CC2D2A: variants seen among roughly 807,000 people sequenced by gnomAD.
The protein encoded by CC2D2A is coiled-coil and C2 domain containing 2A, also known as coiled-coil and C2 domain-containing protein 2A.
Under a neutral mutation model 212.9 loss-of-function variants are expected in CC2D2A, and 155 were observed. That is an observed-to-expected ratio of 0.73 (90% CI 0.64 to 0.83). The LOEUF (loss-of-function observed/expected upper bound fraction) is 0.83, where lower values mean the gene tolerates loss of function less well. Among genes scored for constraint, CC2D2A ranks in the 40% least tolerant of loss-of-function variants. The probability of loss-of-function intolerance (pLI) is 0.00; values close to 1 mark genes in which losing one functional copy is unlikely to be tolerated. For missense variants in CC2D2A, 1,856 were observed against 1,956.2 expected, an observed-to-expected ratio of 0.95 and a Z score of 0.97; for synonymous variants, 667 against 686.5, an observed-to-expected ratio of 0.97 and a Z score of 0.44.
At chr4:15,577,244 C>T (rs1194855212) in intron 29 of CC2D2A, among the ~76,000 whole-genome samples, 3 of 152,156 alleles carry the variant, frequency 2.0e-5, no homozygotes, top group Non-Finnish European at 2.9e-5. Flanking sequence ...GATCCTCCGG[C>T]GTCAGCCTCC....
intron 35 of CC2D2A, among the ~76,000 whole-genome samples, chr4:15,597,716 ATT>A (rs1305596290): frequency 2.0e-5 from 3 of 152,206 alleles, no homozygotes; most frequent in Non-Finnish European, 4.4e-5. Context: ...TTCACCTTGG[ATT>A]GGAGTTTAAC....
intron 34 of CC2D2A, among the ~76,000 whole-genome samples, chr4:15,596,446 A>G (rs1369879333): frequency 6.6e-6 from 1 of 152,186 alleles, no homozygotes; most frequent in African/African-American, 2.4e-5. Flanking sequence ...CATGACATAA[A>G]AAGTACCACA....
chr4:15,479,474 G>C, intron 3 of CC2D2A: 1 of 699,444 alleles, frequency 1.4e-6, no homozygotes, highest in Non-Finnish European at 2.5e-6. Flanking sequence ...CACGTGAAGG[G>C]GCTGCAGAGA....
intron 30 of CC2D2A, among the ~76,000 whole-genome samples, chr4:15,585,594 A>G (rs1371202544): frequency 6.6e-6 from 1 of 152,238 alleles, no homozygotes; most frequent in Non-Finnish European, 1.5e-5. Flanking sequence ...ACAGTTAATA[A>G]TAATGTATAG....
intron 17 of CC2D2A, among the ~76,000 whole-genome samples, chr4:15,542,123 A>G (rs969650660): frequency 2.6e-5 from 4 of 151,794 alleles, no homozygotes; most frequent in African/African-American, 9.7e-5. Flanking sequence ...TTTAGGGCCC[A>G]CCCTAATCTA....
At chr4:15,502,245 G>T (rs1715994577) in intron 4 of CC2D2A, among the ~76,000 whole-genome samples, 184 bp from the exon 5 acceptor site, 2 of 152,220 alleles carry the variant, frequency 1.3e-5, no homozygotes, top group Non-Finnish European at 2.9e-5. Context: ...AAGGATGGTT[G>T]TTAGCATGAT....
At chr4:15,502,398 A>C (rs764154109) in intron 4 of CC2D2A, 31 bp from the exon 5 acceptor site, 6 of 1,418,292 alleles carry the variant, frequency 4.2e-6, no homozygotes, top group East Asian at 5.1e-5. Context: ...TTTTTTTTTT[A>C]TTTTGTTTTG....
chr4:15,569,581 A>G (rs1021590566), intron 27 of CC2D2A, among the ~76,000 whole-genome samples, 192 bp downstream of exon 27: 1 of 152,214 alleles, frequency 6.6e-6, no homozygotes, highest in Non-Finnish European at 1.5e-5. Context: ...TAAAGTGGTG[A>G]AAGAATAGCT....
chr4:15,535,956 G>C (rs1718108619), intron 14 of CC2D2A, among the ~76,000 whole-genome samples: 1 of 152,110 alleles, frequency 6.6e-6, no homozygotes, highest in Admixed American at 6.5e-5. Flanking sequence ...AACATGTTAA[G>C]GGCTCTGAAA....
intron 3 of CC2D2A, chr4:15,479,299 AGCATCCCGT>A (rs1714463509): frequency 6.5e-7 from 1 of 1,536,986 alleles, no homozygotes; most frequent in African/African-American, 1.4e-5. Flanking sequence ...CTAGGCTGGG[AGCATCCCGT>A]GCAGGGTAAA....
intron 24 of CC2D2A, among the ~76,000 whole-genome samples, chr4:15,565,030 C>G (rs1199126514): frequency 1.3e-5 from 2 of 152,134 alleles, no homozygotes; most frequent in Non-Finnish European, 2.9e-5. Flanking sequence ...ATTCGTTAAC[C>G]TATTAGAGAG....
intron 24 of CC2D2A, among the ~76,000 whole-genome samples, 161 bp from the exon 25 acceptor site, chr4:15,567,216 G>A (rs1719922684): frequency 6.6e-6 from 1 of 152,106 alleles, no homozygotes; most frequent in Non-Finnish European, 1.5e-5. Flanking sequence ...TTGGGAGACA[G>A]AGGTTGCAGT....
rs1714424671 is a variant in CC2D2A at position 15,478,911 on chromosome 4, G to A, written c.123+105G>A. 7.9e-6 allele frequency: 8 copies of A among 1,012,278 alleles called. 1 individual carries two copies. The highest frequency in any genetic ancestry group is 1.1e-5 in the Non-Finnish European group (7 of 666,500). The allele number at this position is 1,012,278 out of a possible 1,614,324, so 62.7% of individuals were successfully genotyped here. A position where few individuals can be genotyped will look rare whatever the true frequency, so the allele number is the denominator to read the frequency against. The stretch of plus-strand genomic sequence containing the variant: ...CACAAGGGCAGCCTTCCTTCTTTTG[G>A]TACCAACTTTTGGCCTGCTCTGGGG... On this transcript the variant is annotated intron_variant, in intron 3 of 36. Transcript: ENST00000424120.
chr4:15,567,343 A>C, intron 24 of CC2D2A, 34 bp from the exon 25 acceptor site: 2 of 1,430,230 alleles, frequency 1.4e-6, no homozygotes, highest in Non-Finnish European at 2.0e-6. Flanking sequence ...GACTTCCTCT[A>C]TCATTAATTT....
chr4:15,527,623 C>G lies in CC2D2A; in HGVS notation c.1326C>G (p.His442Gln), dbSNP rs1284018435. 6.2e-7 allele frequency: 1 copy of G among 1,611,546 alleles called. No individual in the cohort carries two copies. Among genetic ancestry groups the G allele is most frequent in the African/African-American group, 1.3e-5 (1 of 74,882 alleles). ...AQLYDQYLAR[H>Q]QRNKAKFLTD... Reference sequence around the variant, plus strand: ...TATATGACCAGTACCTTGCAAGACACCAGAGAAACAAGGCGAAATTTCTTA... The same window carrying G: ...TATATGACCAGTACCTTGCAAGACAGCAGAGAAACAAGGCGAAATTTCTTA... The change falls in exon 12 of 37, where the codon CAC (histidine) becomes CAG (glutamine). Residue 442 changes from histidine to glutamine, a missense_variant. By Grantham distance (24) the His-to-Gln change is conservative (BLOSUM62 0). Transcript: ENST00000424120.
At chr4:15,516,889 C>G (rs1716906237) in intron 11 of CC2D2A, 133 bp downstream of exon 11, 2 of 706,192 alleles carry the variant, frequency 2.8e-6, no homozygotes, top group African/African-American at 3.7e-5. Context: ...ACATAAAGAA[C>G]AAACATCAGG....
At chr4:15,514,557 GTTA>G in intron 8 of CC2D2A, 147 bp from the exon 9 acceptor site, 2 of 565,902 alleles carry the variant, frequency 3.5e-6, no homozygotes, top group Non-Finnish European at 5.6e-6. Flanking sequence ...AATATGAAAG[GTTA>G]TATAGTTCTA....
intron 36 of CC2D2A, 49 bp from the exon 37 acceptor site, chr4:15,601,188 A>G (rs1363283125): frequency 6.9e-7 from 1 of 1,446,764 alleles, no homozygotes; most frequent in Admixed American, 1.8e-5. Context: ...GAAAAAATGT[A>G]TTAAATCTTC....
At chr4:15,527,385 G>T in intron 11 of CC2D2A, 62 bp from the exon 12 acceptor site, 1 of 1,252,616 alleles carries the variant, frequency 8.0e-7, no homozygotes, top group Non-Finnish European at 1.1e-6. Flanking sequence ...TTGTGGATTA[G>T]AGAATCATTA....
Sources: gnomAD v4.1 joint callset for allele counts (sites outside exome capture counted in the v4.1 genomes callset) on GRCh38, gnomAD v4.1.1 for gene constraint, MANE v1.5 for transcripts, NCBI Gene and HGNC (gene_info 2026-07-23, HGNC 2026-07-21) for gene names.